The following B3GNT2 variants were observed in gnomAD, a reference collection of about 807,000 sequenced individuals.
B3GNT2 encodes N-acetyllactosaminide beta-1,3-N-acetylglucosaminyltransferase 2.
A neutral mutation model predicts 27.6 loss-of-function variants in B3GNT2; 12 were observed. The ratio of observed to expected loss-of-function variants is 0.44; its 90% CI spans 0.28 to 0.71. The LOEUF is 0.71. Ranked by LOEUF, B3GNT2 falls within the 30% of genes least tolerant of loss-of-function variation. The pLI is 0.17. For missense variants in B3GNT2, 413 were observed against 488.5 expected, an observed-to-expected ratio of 0.85 and a Z score of 1.46; for synonymous variants, 192 against 189.7, an observed-to-expected ratio of 1.01 and a Z score of -0.10.
chr2:62,224,465 GTGT>G lies in B3GNT2; in HGVS notation c.*1057_*1059del, dbSNP rs1674784748. The G allele has an allele frequency of 6.0e-6, 1 of 166,964 alleles. No individual in the cohort carries two copies. The highest frequency in any genetic ancestry group is 1.5e-5 in the Non-Finnish European group (1 of 68,084). The allele number at this position is 166,964 out of a possible 1,614,324, so 10.3% of individuals were successfully genotyped here. On this transcript the variant is annotated 3_prime_UTR_variant, in exon 2 of 2. Coordinates refer to ENST00000301998, the MANE Select transcript of B3GNT2 (RefSeq NM_006577.6). The stretch of plus-strand genomic sequence containing the variant: ...TTATGTAATATTTTATTTGTATACA[GTGT>G]TGTTGATGAAATATTTAACTAGAGC...
chr2:62,210,692 C>T (rs979563630), intron 1 of B3GNT2, among the ~76,000 whole-genome samples: 8 of 151,896 alleles, frequency 5.3e-5, no homozygotes, highest in African/African-American at 1.9e-4. Flanking sequence ...ATCACTTGAA[C>T]CCGGGAGGCA....
intron 1 of B3GNT2, among the ~76,000 whole-genome samples, chr2:62,198,364 G>A (rs1017216002): frequency 6.6e-6 from 1 of 152,176 alleles, no homozygotes; most frequent in African/African-American, 2.4e-5. Flanking sequence ...TAGGATGTTT[G>A]CCAAACTCCT....
At chr2:62,218,972 T>G (rs1674629814) in intron 1 of B3GNT2, among the ~76,000 whole-genome samples, 1 of 152,102 alleles carries the variant, frequency 6.6e-6, no homozygotes, top group African/African-American at 2.4e-5. Flanking sequence ...TTGCCAGGGG[T>G]CAGCAAGCTT....
intron 1 of B3GNT2, among the ~76,000 whole-genome samples, chr2:62,210,768 C>A (rs1263865308): frequency 2.0e-5 from 3 of 150,060 alleles, no homozygotes; most frequent in Admixed American, 1.3e-4. Context: ...GACTCCATCT[C>A]AAAAAAAATA....
At position 62,223,302 on chromosome 2, in the gene B3GNT2, A is replaced by G; in HGVS notation, c.1082A>G (p.Lys361Arg). The G allele has an allele frequency of 6.2e-7, 1 of 1,614,226 alleles. No homozygotes were observed. Among genetic ancestry groups the G allele is most frequent in the Non-Finnish European group, 8.5e-7 (1 of 1,180,030 alleles). ...TTCAGGACATTTGATATCGAGGAGAAAAACAAAAATAACATCTGCTCCTAT... is the reference window on the plus strand; with the variant it reads ...TTCAGGACATTTGATATCGAGGAGAGAAACAAAAATAACATCTGCTCCTAT... Reference protein sequence around the residue: ...KGFRTFDIEEKNKNNICSYVD... With the variant: ...KGFRTFDIEERNKNNICSYVD... Residue 361 changes from lysine to arginine, a missense_variant, in exon 2 of 2, where the codon AAA (lysine) becomes AGA (arginine). Lys to Arg is a conservative substitution (Grantham distance 26). Transcript: ENST00000301998.
At position 62,207,582 on chromosome 2, in the gene B3GNT2, G is replaced by T. The variant is rs183492715; in HGVS notation, c.-10+11227G>T. Among the ~76,000 whole-genome samples, 260 of 152,274 alleles carry T rather than the reference G, an allele frequency of 1.7e-3. 1 individual carries two copies. Among genetic ancestry groups the T allele is most frequent in the African/African-American group, 6.0e-3 (249 of 41,558 alleles). ...GTTTTCCACGGACTCCAGGGTGGGA[G>T]GATATGCGAGATGGTTTCGGGATGA... is the stretch of plus-strand genomic sequence containing the variant. On this transcript the variant is annotated intron_variant, in intron 1 of 1. Coordinates refer to ENST00000301998, the MANE Select transcript of B3GNT2 (RefSeq NM_006577.6).
intron 1 of B3GNT2, among the ~76,000 whole-genome samples, chr2:62,210,200 C>T (rs1674454266): frequency 6.6e-6 from 1 of 152,150 alleles, no homozygotes; most frequent in South Asian, 2.1e-4. Context: ...ATTCTCAATC[C>T]TCCTCGAGCA....
intron 1 of B3GNT2, among the ~76,000 whole-genome samples, chr2:62,212,516 G>C (rs1674499317): frequency 1.3e-5 from 2 of 151,732 alleles, no homozygotes; most frequent in Non-Finnish European, 2.9e-5. Context: ...TCTTCACTCT[G>C]GTCCAGCAGC....
At chr2:62,214,943 G>T (rs930908688) in intron 1 of B3GNT2, among the ~76,000 whole-genome samples, 2 of 152,102 alleles carry the variant, frequency 1.3e-5, no homozygotes, top group Non-Finnish European at 2.9e-5. Flanking sequence ...GTTTACTAAA[G>T]GCAGGGCAGA....
At chr2:62,215,532 G>T (rs952224470) in intron 1 of B3GNT2, 1 of 152,364 alleles carries the variant, frequency 6.6e-6, no homozygotes, top group Non-Finnish European at 1.5e-5. Flanking sequence ...CCATTTAGCT[G>T]CAAACTGTCT....
chr2:62,216,402 C>CT (rs199798082), intron 1 of B3GNT2, among the ~76,000 whole-genome samples: 12 of 134,868 alleles, frequency 8.9e-5, no homozygotes, highest in East Asian at 4.1e-4. Flanking sequence ...TCTGATTTTT[C>CT]TTTTTTTTTG....
chr2:62,199,497 T>C (rs1674220480), intron 1 of B3GNT2, among the ~76,000 whole-genome samples: 1 of 152,220 alleles, frequency 6.6e-6, no homozygotes, highest in Non-Finnish European at 1.5e-5. Context: ...ATCTTGCAAC[T>C]AGGATAATAC....
chr2:62,202,998 C>T (rs182437410), intron 1 of B3GNT2, among the ~76,000 whole-genome samples: 25 of 152,274 alleles, frequency 1.6e-4, no homozygotes, highest in Non-Finnish European at 2.9e-4. Flanking sequence ...TCTGATCACC[C>T]GGCATAAAGC....
chr2:62,208,285 T>TA (rs1329283040), intron 1 of B3GNT2, among the ~76,000 whole-genome samples: 3 of 145,358 alleles, frequency 2.1e-5, no homozygotes. Context: ...ATGGCCTACT[T>TA]ATTTCCAGAA....
chr2:62,204,083 A>G (rs1044272767), intron 1 of B3GNT2, among the ~76,000 whole-genome samples: 4 of 152,132 alleles, frequency 2.6e-5, no homozygotes, highest in African/African-American at 7.2e-5. Context: ...CCGGAGCGCA[A>G]TGGCATGACC....
At chr2:62,221,408 G>A (rs1674689723) in intron 1 of B3GNT2, among the ~76,000 whole-genome samples, 1 of 152,134 alleles carries the variant, frequency 6.6e-6, no homozygotes, top group Non-Finnish European at 1.5e-5. Flanking sequence ...CCTGTCTCCT[G>A]CTTCCTAGCC....
rs140350325 is a variant in B3GNT2 at position 62,209,571 on chromosome 2, G to A, written c.-9-12641G>A. Among the ~76,000 whole-genome samples, 618 of 152,298 alleles carry A rather than the reference G, an allele frequency of 4.1e-3. 2 individuals are homozygous for A. The highest frequency in any genetic ancestry group is 0.01 in the Middle Eastern group (3 of 294). The stretch of plus-strand genomic sequence containing the variant: ...AGGTGAGAGGATCACTTGAGCCCAG[G>A]AATTCAAGACCAGATGGGGCAACAC... On this transcript the variant is annotated intron_variant, in intron 1 of 1. Coordinates refer to ENST00000301998, the MANE Select transcript of B3GNT2 (RefSeq NM_006577.6).
At chr2:62,213,092 G>GT (rs909256877) in intron 1 of B3GNT2, among the ~76,000 whole-genome samples, 7 of 151,970 alleles carry the variant, frequency 4.6e-5, no homozygotes, top group Admixed American at 6.6e-5. Context: ...GCATTCCGGT[G>GT]TTTTTTTTCT....
At chr2:62,203,543 G>A (rs987632303) in intron 1 of B3GNT2, among the ~76,000 whole-genome samples, 1 of 152,156 alleles carries the variant, frequency 6.6e-6, no homozygotes, top group Non-Finnish European at 1.5e-5. Context: ...GGGTAGACAT[G>A]GTGGCCAGCA....
Sources: allele counts gnomAD v4.1 joint callset (sites outside exome capture counted in the v4.1 genomes callset), GRCh38; gene constraint gnomAD v4.1.1; transcripts MANE v1.5; gene names NCBI Gene and HGNC (gene_info 2026-07-23, HGNC 2026-07-21).